Variants in ELMO1 observed in about 807,000 individuals in gnomAD.
ELMO1 encodes engulfment and cell motility 1, also known as engulfment and cell motility protein 1.
In ELMO1, 26 loss-of-function variants were observed where a neutral mutation model predicts 98.9. The ratio of observed to expected loss-of-function variants is 0.26; its 90% CI spans 0.19 to 0.36. The LOEUF is 0.36. ELMO1 is among the 10% of genes least tolerant of loss of function. The probability of loss-of-function intolerance (pLI) is 1.00; values close to 1 mark genes in which losing one functional copy is unlikely to be tolerated. For synonymous variants in ELMO1, 346 were observed against 346.0 expected (o/e 1.00, Z 0.00); for missense variants, 627 against 935.2 (o/e 0.67, Z 4.30).
intron 5 of ELMO1, among the ~76,000 whole-genome samples, chr7:37,262,867 G>A (rs564754912): frequency 1.3e-5 from 2 of 152,272 alleles, no homozygotes; most frequent in East Asian, 3.9e-4. Context: ...TTCCCCATCA[G>A]TAGGTACACC....
chr7:37,017,030 T>C (rs17170835), intron 15 of ELMO1, among the ~76,000 whole-genome samples: 2,842 of 152,334 alleles, frequency 0.019, 96 homozygotes, highest in African/African-American at 0.065. Flanking sequence ...AGGCACAGCT[T>C]CACCTATTAA....
intron 16 of ELMO1, among the ~76,000 whole-genome samples, chr7:36,945,420 G>C (rs927995168): frequency 1.3e-5 from 2 of 152,162 alleles, no homozygotes; most frequent in Non-Finnish European, 2.9e-5. Context: ...GAAGGAGGGA[G>C]GTACAGGCAT....
At position 36,855,788 on chromosome 7, in the gene ELMO1, G is replaced by A; in HGVS notation, c.1984-37C>T. ...GGAGGCAACAGCGATCATTACTGGT[G>A]GCAATTACAGAAGTATTAATAGTAA... On this transcript the variant is annotated intron_variant, in intron 21 of 21. Transcript: ENST00000310758. This position sits in a 1 kb window ranked among gnomAD's most constrained non-coding sequence, Gnocchi z 4.2. 2 of 1,610,598 alleles carry A rather than the reference G, an allele frequency of 1.2e-6. No homozygotes were observed. Among genetic ancestry groups the A allele is most frequent in the Middle Eastern group, 1.7e-4 (1 of 5,800 alleles).
intron 4 of ELMO1, among the ~76,000 whole-genome samples, chr7:37,304,465 C>A (rs538038371): frequency 6.6e-6 from 1 of 152,276 alleles, no homozygotes; most frequent in South Asian, 2.1e-4. Context: ...CCTGTAATCC[C>A]AGCACTTTGG....
chr7:36,982,003 C>T (rs1374593473), intron 16 of ELMO1, among the ~76,000 whole-genome samples: 1 of 152,192 alleles, frequency 6.6e-6, no homozygotes, highest in Non-Finnish European at 1.5e-5. Context: ...GCCACACCAT[C>T]CAGTAGAGTA....
chr7:37,138,298 T>TAAA (rs140761834), intron 13 of ELMO1, among the ~76,000 whole-genome samples: 1 of 146,598 alleles, frequency 6.8e-6, no homozygotes, highest in African/African-American at 2.5e-5. Flanking sequence ...TTTGAAAAGA[T>TAAA]AAAAAAAAAA....
At chr7:37,130,378 C>CA (rs1182988413) in intron 14 of ELMO1, among the ~76,000 whole-genome samples, 1 of 152,106 alleles carries the variant, frequency 6.6e-6, no homozygotes, top group African/African-American at 2.4e-5. Context: ...GGTCCAGAGA[C>CA]AGAGTCCTGG....
chr7:37,239,473 T>A (rs1206153914), intron 7 of ELMO1, among the ~76,000 whole-genome samples: 2 of 152,158 alleles, frequency 1.3e-5, no homozygotes, highest in Non-Finnish European at 2.9e-5. Context: ...CCAATTTCAA[T>A]TTTTTTAATA....
intron 19 of ELMO1, among the ~76,000 whole-genome samples, chr7:36,876,305 G>A (rs1049704840): frequency 4.0e-5 from 6 of 151,602 alleles, no homozygotes; most frequent in African/African-American, 1.5e-4. Context: ...CTAAGATTAG[G>A]TCCTTCTTAC....
intron 1 of ELMO1, among the ~76,000 whole-genome samples, chr7:37,355,535 T>C (rs1339822812): frequency 6.6e-6 from 1 of 152,226 alleles, no homozygotes; most frequent in East Asian, 1.9e-4. Flanking sequence ...TTTTTAGATT[T>C]GAAGTTTTGA....
intron 1 of ELMO1, among the ~76,000 whole-genome samples, chr7:37,439,758 G>A (rs1385607017): frequency 6.6e-6 from 1 of 152,226 alleles, no homozygotes; most frequent in African/African-American, 2.4e-5. Context: ...GTTGGAGAAT[G>A]GACAGTAATT....
chr7:37,283,293 G>A (rs968538211), intron 4 of ELMO1, among the ~76,000 whole-genome samples: 18 of 152,088 alleles, frequency 1.2e-4, no homozygotes, highest in African/African-American at 3.6e-4. Flanking sequence ...AGATGTCCAC[G>A]ACTGCTCAAA....
intron 15 of ELMO1, among the ~76,000 whole-genome samples, chr7:37,069,120 G>A (rs1312679091): frequency 6.6e-6 from 1 of 151,996 alleles, no homozygotes; most frequent in African/African-American, 2.4e-5. Context: ...TCCCAGTGGT[G>A]GGAACAGCTC....
intron 16 of ELMO1, among the ~76,000 whole-genome samples, chr7:36,917,970 T>G (rs1288216406): frequency 1.3e-5 from 2 of 152,236 alleles, no homozygotes; most frequent in Non-Finnish European, 2.9e-5. Flanking sequence ...ATTCTTACTT[T>G]CTATATAGTC....
chr7:37,140,385 C>T (rs1429474784), intron 13 of ELMO1, among the ~76,000 whole-genome samples: 2 of 129,142 alleles, frequency 1.5e-5, no homozygotes, highest in Non-Finnish European at 3.4e-5. Flanking sequence ...GACTCCGTCT[C>T]AAAAAAAAAA....
At chr7:37,075,062 G>A (rs900865701) in intron 15 of ELMO1, among the ~76,000 whole-genome samples, 1 of 152,112 alleles carries the variant, frequency 6.6e-6, no homozygotes, top group Non-Finnish European at 1.5e-5. Flanking sequence ...GCAATAAAAG[G>A]TGTGTAACAC....
At chr7:37,388,248 C>G (rs1207476797) in intron 1 of ELMO1, among the ~76,000 whole-genome samples, 4 of 152,132 alleles carry the variant, frequency 2.6e-5, no homozygotes, top group African/African-American at 9.7e-5. Flanking sequence ...AAGTGCCCAC[C>G]ACCAGAGGAG....
At chr7:36,984,837 CA>C in intron 16 of ELMO1, 7 of 910,002 alleles carry the variant, frequency 7.7e-6, no homozygotes, top group South Asian at 5.0e-5. Context: ...AGGAGACAAT[CA>C]GGGGAAAAGA....
chr7:36,955,589 G>GA (rs1788379292), intron 16 of ELMO1, among the ~76,000 whole-genome samples: 1 of 152,160 alleles, frequency 6.6e-6, no homozygotes, highest in South Asian at 2.1e-4. Context: ...TAACATCTTG[G>GA]AAACACATGT....
Sources: gnomAD v4.1 joint callset for allele counts (sites outside exome capture counted in the v4.1 genomes callset) on GRCh38, gnomAD v4.1.1 for gene constraint, Gnocchi (gnomAD v3.1) non-coding constraint, MANE v1.5 for transcripts, NCBI Gene and HGNC (gene_info 2026-07-23, HGNC 2026-07-21) for gene names.